The following CELF2 variants were observed in gnomAD, a reference collection of about 807,000 sequenced individuals.
CELF2 encodes CUG triplet repeat RNA-binding protein 2.
CELF2 carries 8 observed loss-of-function variants against 62.6 expected under a neutral mutation model. That is an observed-to-expected ratio of 0.13 (90% CI 0.07 to 0.23). The LOEUF is 0.23. Among genes scored for constraint, CELF2 ranks in the 10% least tolerant of loss-of-function variants. The pLI, the probability that CELF2 is intolerant of heterozygous loss-of-function variation, is 1.00. For synonymous variants in CELF2, 258 were observed against 250.0 expected (o/e 1.03, Z -0.30); for missense variants, 333 against 671.0 (o/e 0.50, Z 5.56).
Position 11,280,542 on chromosome 10 carries a change from G to A in CELF2, c.841+5422G>A, listed in dbSNP as rs926160837. Reference sequence around the variant, plus strand: ...AGCCAAGACATCAGCCACCAGGGACGTGCATCGTTGCCAGGGAAGGGCCCA... The same window carrying A: ...AGCCAAGACATCAGCCACCAGGGACATGCATCGTTGCCAGGGAAGGGCCCA... On this transcript the variant is annotated intron_variant, in intron 8 of 12. Transcript: ENST00000633077. This position sits in a 1 kb window ranked among gnomAD's most constrained non-coding sequence, Gnocchi z 7.6. 2.6e-5 allele frequency among the ~76,000 whole-genome samples: 4 copies of A among 152,234 alleles called. No homozygotes were observed. The highest frequency in any genetic ancestry group is 4.8e-5 in the African/African-American group (2 of 41,462).
At chr10:10,521,087 A>G in the CELF2 span, among the ~76,000 whole-genome samples, 4 of 152,224 alleles carry the variant, frequency 2.6e-5, no homozygotes, top group African/African-American at 9.6e-5. Context: ...CAGGGTCAGC[A>G]CTGAGCAAGA....
the CELF2 span, among the ~76,000 whole-genome samples, chr10:10,757,003 G>C: frequency 6.6e-6 from 1 of 152,010 alleles, no homozygotes; most frequent in African/African-American, 2.4e-5. Flanking sequence ...TTAGCCAGGC[G>C]TGGTGGCACG....
intron 7 of CELF2, among the ~76,000 whole-genome samples, chr10:11,274,492 T>C (rs2138848216): frequency 6.6e-6 from 1 of 152,370 alleles, no homozygotes; most frequent in East Asian, 1.9e-4. Flanking sequence ...TTTGACAAGC[T>C]GTATGTTTCA....
chr10:10,573,861 A>G, the CELF2 span, among the ~76,000 whole-genome samples: 34 of 152,140 alleles, frequency 2.2e-4, 1 homozygote, highest in South Asian at 6.4e-3. Context: ...GCAAAGAACT[A>G]TAAGACCAAG....
chr10:11,231,490 A>G (rs1036401796), intron 3 of CELF2, among the ~76,000 whole-genome samples: 1 of 152,136 alleles, frequency 6.6e-6, no homozygotes, highest in Non-Finnish European at 1.5e-5. Context: ...CTAGGGTATC[A>G]TATCTGCTTG....
chr10:10,889,905 A>G (rs1482556704), intron 1 of CELF2, among the ~76,000 whole-genome samples: 1 of 152,218 alleles, frequency 6.6e-6, no homozygotes, highest in African/African-American at 2.4e-5. Flanking sequence ...AAGAGTGTAC[A>G]GTCTTTCCTG....
At chr10:10,999,804 C>G (rs1376001538) in intron 2 of CELF2, among the ~76,000 whole-genome samples, 1 of 152,158 alleles carries the variant, frequency 6.6e-6, no homozygotes, top group African/African-American at 2.4e-5. Flanking sequence ...TTAGGATTCC[C>G]TAGAATCAAA....
chr10:11,329,126 C>T lies in CELF2; in HGVS notation c.*73C>T. 1 of 1,481,380 alleles carries T rather than the reference C, an allele frequency of 6.8e-7. No homozygotes were observed. Among genetic ancestry groups the T allele is most frequent in the Non-Finnish European group, 9.1e-7 (1 of 1,099,462 alleles). The allele number at this position is 1,481,380 out of a possible 1,614,324, so 91.8% of individuals were successfully genotyped here. On this transcript the variant is annotated 3_prime_UTR_variant, in exon 13 of 13. Coordinates refer to ENST00000633077, the MANE Select transcript of CELF2 (RefSeq NM_001326342.2). The surrounding 1 kb of genome is among the most constrained non-coding windows in gnomAD (Gnocchi z 5.5). The stretch of plus-strand genomic sequence containing the variant: ...AGTCCCACGAGCCAGCCTGTCTCAA[C>T]AGGGAAGGCAGAGGAGGACCACATT...
At chr10:11,251,045 A>G (rs1393960583) in intron 4 of CELF2, among the ~76,000 whole-genome samples, 2 of 152,136 alleles carry the variant, frequency 1.3e-5, no homozygotes, top group Non-Finnish European at 2.9e-5. Context: ...TCCTGTTGGT[A>G]CAAGTCATCT....
In CELF2 at chr10:11,027,036, C is replaced by A. The variant is rs77023213; in HGVS notation, c.74+8873C>A. On this transcript the variant is annotated intron_variant, in intron 1 of 12. Coordinates refer to ENST00000633077, the MANE Select transcript of CELF2 (RefSeq NM_001326342.2). The stretch of plus-strand genomic sequence containing the variant: ...TGTGTTTGCCTTCTCAAAATTGTCA[C>A]CAGGAGGCCTCCAACTGCAATTAGT... Among the ~76,000 whole-genome samples the A allele has an allele frequency of 6.6e-4, 101 of 152,242 alleles. 1 individual carries two copies. In the East Asian group the frequency reaches 0.019, roughly 29 times the overall value.
At position 11,285,935 on chromosome 10, in the gene CELF2, A is replaced by G. The variant is rs1340869107; in HGVS notation, c.842-2483A>G. 1.3e-5 allele frequency among the ~76,000 whole-genome samples: 2 copies of G among 151,366 alleles called. No individual in the cohort carries two copies. Among genetic ancestry groups the G allele is most frequent in the Non-Finnish European group, 2.9e-5 (2 of 67,940 alleles). On this transcript the variant is annotated intron_variant, in intron 8 of 12. Coordinates refer to ENST00000633077, the MANE Select transcript of CELF2 (RefSeq NM_001326342.2). This position sits in a 1 kb window ranked among gnomAD's most constrained non-coding sequence, Gnocchi z 4.3. The stretch of plus-strand genomic sequence containing the variant: ...AATTTTTGTCCTAAAGGAACTTGGT[A>G]TCTGGTTGGGAGGGCAAGAAATACA...
chr10:11,058,711 A>G (rs2065962617), intron 1 of CELF2, among the ~76,000 whole-genome samples: 1 of 150,210 alleles, frequency 6.7e-6, no homozygotes, highest in African/African-American at 2.5e-5. Context: ...CAGGCGATCC[A>G]CCCCCCTCAG....
the CELF2 span, among the ~76,000 whole-genome samples, chr10:10,767,369 T>C: frequency 2.0e-5 from 3 of 152,248 alleles, no homozygotes; most frequent in East Asian, 5.8e-4. Context: ...TGAGTCAAAT[T>C]AGGTGCCTCC....
intron 1 of CELF2, among the ~76,000 whole-genome samples, chr10:10,804,441 T>C (rs2031142): frequency 0.71 from 108,387 of 152,160 alleles, 38,842 homozygotes; most frequent in East Asian, 0.79. Flanking sequence ...GACAGATAGT[T>C]GGAGGGATGC....
At position 11,255,379 on chromosome 10, in the gene CELF2, C is replaced by T. The variant is rs2078391800; in HGVS notation, c.404-2359C>T. Among the ~76,000 whole-genome samples the T allele has an allele frequency of 6.6e-6, 1 of 152,128 alleles. No homozygotes were observed. The highest frequency in any genetic ancestry group is 2.4e-5 in the African/African-American group (1 of 41,440). On this transcript the variant is annotated intron_variant, in intron 4 of 12. Transcript: ENST00000633077. This position sits in a 1 kb window ranked among gnomAD's most constrained non-coding sequence, Gnocchi z 5.5. ...ACATGAAGCGGAAGATGGGGCGTGCCATCCTGAGGTCGGGCTGCTTTCCGC... is the reference window on the plus strand; with the variant it reads ...ACATGAAGCGGAAGATGGGGCGTGCTATCCTGAGGTCGGGCTGCTTTCCGC...
chr10:10,721,231 G>A, the CELF2 span, among the ~76,000 whole-genome samples: 1 of 152,206 alleles, frequency 6.6e-6, no homozygotes, highest in Non-Finnish European at 1.5e-5. Context: ...CTGGGTTTGG[G>A]CAGAGGTTTT....
chr10:10,971,096 G>A (rs956002967), intron 2 of CELF2, among the ~76,000 whole-genome samples: 1 of 152,004 alleles, frequency 6.6e-6, no homozygotes, highest in Non-Finnish European at 1.5e-5. Context: ...CCTTCTCCTT[G>A]GGCTCCCATC....
At chr10:11,009,342 T>C (rs918947084) in intron 1 of CELF2, among the ~76,000 whole-genome samples, 1 of 151,198 alleles carries the variant, frequency 6.6e-6, no homozygotes. Context: ...TGTGTGCGCG[T>C]GTGTGTGAGT....
At chr10:10,683,291 G>A in the CELF2 span, among the ~76,000 whole-genome samples, 3 of 152,202 alleles carry the variant, frequency 2.0e-5, no homozygotes, top group Non-Finnish European at 4.4e-5. Flanking sequence ...CATTGCAATT[G>A]AATGTTGAGC....
Sources: allele counts gnomAD v4.1 joint callset (sites outside exome capture counted in the v4.1 genomes callset), GRCh38; gene constraint gnomAD v4.1.1; non-coding constraint Gnocchi (gnomAD v3.1); transcripts MANE v1.5; gene names NCBI Gene and HGNC (gene_info 2026-07-23, HGNC 2026-07-21).